The following DPPA2 variants were observed in gnomAD, a reference collection of about 807,000 sequenced individuals.
The protein encoded by DPPA2 is developmental pluripotency-associated protein 2.
Under a neutral mutation model 36.2 loss-of-function variants are expected in DPPA2, and 26 were observed. The observed-to-expected ratio is 0.72, with a 90% CI of 0.53 to 1.00. The LOEUF is 1.00. Ranked by LOEUF, DPPA2 falls within the 50% of genes least tolerant of loss-of-function variation. DPPA2 has a pLI of 0.00. For missense variants in DPPA2, 361 were observed against 365.1 expected, an observed-to-expected ratio of 0.99 and a Z score of 0.09; for synonymous variants, 113 against 123.2, an observed-to-expected ratio of 0.92 and a Z score of 0.55.
At chr3:109,302,847 A>C (rs926809129) in intron 7 of DPPA2, among the ~76,000 whole-genome samples, 19 of 151,690 alleles carry the variant, frequency 1.3e-4, no homozygotes, top group Non-Finnish European at 2.4e-4. Context: ...ATTTTTACTC[A>C]TGGATGGACA....
chr3:109,307,335 C>G (rs956311701), intron 6 of DPPA2, among the ~76,000 whole-genome samples: 1 of 151,974 alleles, frequency 6.6e-6, no homozygotes, highest in African/African-American at 2.4e-5. Flanking sequence ...GGAGCAGTGG[C>G]TCACACCTGT....
intron 7 of DPPA2, among the ~76,000 whole-genome samples, chr3:109,304,238 A>G (rs1337791463): frequency 1.3e-5 from 2 of 151,812 alleles, no homozygotes; most frequent in Non-Finnish European, 2.9e-5. Flanking sequence ...ATGCCACTGC[A>G]CTGCAGCCTG....
intron 3 of DPPA2, among the ~76,000 whole-genome samples, chr3:109,311,077 T>C (rs1707701093): frequency 6.6e-6 from 1 of 152,174 alleles, no homozygotes; most frequent in Non-Finnish European, 1.5e-5. Flanking sequence ...ACTGGGATTA[T>C]AGGTGTAAGC....
At chr3:109,295,370 G>A (rs1455465878) in intron 8 of DPPA2, 5 of 151,180 alleles carry the variant, frequency 3.3e-5, no homozygotes, top group African/African-American at 7.3e-5. Context: ...AAGTACAATC[G>A]TCTCTACTAA....
intron 6 of DPPA2, among the ~76,000 whole-genome samples, chr3:109,306,675 C>G (rs552331362): frequency 6.6e-6 from 1 of 151,594 alleles, no homozygotes; most frequent in East Asian, 2.0e-4. Context: ...CTCAAGATTT[C>G]TTAGAGGGCC....
intron 5 of DPPA2, among the ~76,000 whole-genome samples, chr3:109,308,508 A>G (rs1266004229): frequency 5.9e-5 from 9 of 152,096 alleles, no homozygotes; most frequent in Non-Finnish European, 1.3e-4. Context: ...GATTATAGGC[A>G]TGTGCCACCA....
At chr3:109,306,979 T>C (rs896960697) in intron 6 of DPPA2, among the ~76,000 whole-genome samples, 2 of 151,562 alleles carry the variant, frequency 1.3e-5, no homozygotes, top group African/African-American at 4.8e-5. Context: ...GCCAAGATTT[T>C]TTTTTTAAAG....
intron 8 of DPPA2, among the ~76,000 whole-genome samples, chr3:109,298,395 C>T (rs75293468): frequency 2.0e-3 from 303 of 152,030 alleles, no homozygotes; most frequent in African/African-American, 6.9e-3. Context: ...GCCTGAGAAA[C>T]ATGGTGAGAC....
intron 8 of DPPA2, among the ~76,000 whole-genome samples, chr3:109,294,789 C>G (rs1363957667): frequency 6.6e-6 from 1 of 152,014 alleles, no homozygotes; most frequent in African/African-American, 2.4e-5. Flanking sequence ...TTTGGGAAAC[C>G]GAGGTGGGTG....
intron 8 of DPPA2, chr3:109,295,461 G>T (rs1707336583): frequency 6.6e-6 from 1 of 151,678 alleles, no homozygotes; most frequent in East Asian, 2.0e-4. Flanking sequence ...GGCCAGGCTG[G>T]TCTCAAACTC....
chr3:109,308,972 G>A lies in DPPA2; in HGVS notation c.396+54C>T, dbSNP rs376971262. On this transcript the variant is annotated intron_variant, in intron 5 of 8. Coordinates refer to ENST00000478945, the MANE Select transcript of DPPA2 (RefSeq NM_138815.4). ...TAGATATGGTGCGACGGTAGGGACC[G>A]GACGAATCATGATCAGAACCCACCT... is the stretch of plus-strand genomic sequence containing the variant. 423 of 1,605,678 alleles carry A rather than the reference G, an allele frequency of 2.6e-4. 1 individual carries two copies. The highest frequency in any genetic ancestry group is 3.5e-4 in the Non-Finnish European group (405 of 1,173,096).
intron 7 of DPPA2, among the ~76,000 whole-genome samples, chr3:109,303,220 C>T (rs1312123819): frequency 6.6e-6 from 1 of 152,150 alleles, no homozygotes; most frequent in Non-Finnish European, 1.5e-5. Flanking sequence ...TGAGCCACTG[C>T]AACTGGCCAT....
At chr3:109,300,330 AAAT>A (rs1707436126) in intron 8 of DPPA2, 38 bp downstream of exon 8, 9 of 1,533,592 alleles carry the variant, frequency 5.9e-6, no homozygotes, top group South Asian at 3.4e-5. Flanking sequence ...CTTCAAATCA[AAAT>A]AATACTTATT....
At chr3:109,314,634 T>C (rs1403322349) in intron 1 of DPPA2, 79 bp from the exon 2 acceptor site, 8 of 1,377,406 alleles carry the variant, frequency 5.8e-6, no homozygotes, top group Non-Finnish European at 8.0e-6. Context: ...TATAAGCAAA[T>C]GTTTCCTTCT....
At chr3:109,314,621 T>A in intron 1 of DPPA2, 66 bp from the exon 2 acceptor site, 1 of 1,451,964 alleles carries the variant, frequency 6.9e-7, no homozygotes, top group Non-Finnish European at 9.4e-7. Flanking sequence ...TGCTTTCTCC[T>A]TTTATAAGCA....
At position 109,300,204 on chromosome 3, in the gene DPPA2, C is replaced by T. The variant is rs9864613; in HGVS notation, c.*22+167G>A. Among the ~76,000 whole-genome samples the T allele has an allele frequency of 5.5e-3, 840 of 152,228 alleles. 4 individuals carry two copies. The highest frequency in any genetic ancestry group is 8.6e-3 in the Non-Finnish European group (584 of 68,018). Reference sequence around the variant, plus strand: ...ATGCAAGTTATCTACAGACGCGCCACCATTTGTACTTCCTGGTAGACAGCA... The same window carrying T: ...ATGCAAGTTATCTACAGACGCGCCATCATTTGTACTTCCTGGTAGACAGCA... On this transcript the variant is annotated intron_variant, in intron 8 of 8. Transcript: ENST00000478945.
chr3:109,302,165 A>G (rs1707466524), intron 7 of DPPA2, among the ~76,000 whole-genome samples: 1 of 152,046 alleles, frequency 6.6e-6, no homozygotes, highest in Non-Finnish European at 1.5e-5. Context: ...GTTCCTTCCT[A>G]CATACTCTTA....
intron 1 of DPPA2, among the ~76,000 whole-genome samples, chr3:109,315,412 C>A (rs1226739656): frequency 6.6e-6 from 1 of 152,074 alleles, no homozygotes; most frequent in Non-Finnish European, 1.5e-5. Context: ...TTTGGCTGTT[C>A]AGAATAGCAA....
chr3:109,313,202 T>G (rs1020753548), intron 2 of DPPA2, among the ~76,000 whole-genome samples: 1 of 152,222 alleles, frequency 6.6e-6, no homozygotes, highest in African/African-American at 2.4e-5. Context: ...CTTGTCATTG[T>G]TATTCTGGTT....
Sources: allele counts gnomAD v4.1 joint callset (sites outside exome capture counted in the v4.1 genomes callset), GRCh38; gene constraint gnomAD v4.1.1; transcripts MANE v1.5; gene names NCBI Gene and HGNC (gene_info 2026-07-23, HGNC 2026-07-21).